Variants in CEP112 observed in about 807,000 individuals in gnomAD.
The protein encoded by CEP112 is centrosomal protein of 112 kDa.
In CEP112, 127 loss-of-function variants were observed where a neutral mutation model predicts 153.0. The observed-to-expected ratio is 0.83, with a 90% confidence interval of 0.72 to 0.96. The LOEUF (loss-of-function observed/expected upper bound fraction) is 0.96. Ranked by LOEUF, CEP112 falls within the 40% of genes least tolerant of loss-of-function variation. The pLI is 0.00. For missense variants in CEP112, 1,089 were observed against 1,101.2 expected (o/e 0.99, Z 0.16); for synonymous variants, 358 against 374.4 (o/e 0.96, Z 0.51).
intron 12 of CEP112, among the ~76,000 whole-genome samples, chr17:66,049,478 A>C (rs894211260): frequency 2.6e-5 from 4 of 152,210 alleles, no homozygotes; most frequent in African/African-American, 9.6e-5. Flanking sequence ...GGCCAGCTGC[A>C]GTGGTGCACA....
intron 6 of CEP112, among the ~76,000 whole-genome samples, chr17:66,101,414 A>G (rs1008201059): frequency 2.0e-5 from 3 of 152,076 alleles, no homozygotes; most frequent in African/African-American, 7.2e-5. Context: ...GAGCATGAAC[A>G]TTTTATCTTA....
intron 20 of CEP112, among the ~76,000 whole-genome samples, chr17:65,885,464 T>C (rs1568169688): frequency 6.6e-6 from 1 of 152,226 alleles, no homozygotes. Context: ...CAAGTCATTG[T>C]TTTAAAGTTA....
intron 17 of CEP112, among the ~76,000 whole-genome samples, chr17:65,983,597 T>C (rs572457853): frequency 6.6e-6 from 1 of 152,218 alleles, no homozygotes; most frequent in East Asian, 1.9e-4. Flanking sequence ...TGGCAACCCT[T>C]CCTCTCCCTC....
At chr17:65,969,069 T>A (rs1442838153) in intron 17 of CEP112, among the ~76,000 whole-genome samples, 1 of 130,878 alleles carries the variant, frequency 7.6e-6, no homozygotes, top group Admixed American at 9.2e-5. Context: ...TTTTTGTTTT[T>A]TTGTGTGTGT....
chr17:65,653,530 G>A (rs1196633691), intron 24 of CEP112, among the ~76,000 whole-genome samples: 2 of 152,140 alleles, frequency 1.3e-5, no homozygotes. Context: ...GTGGACAAGG[G>A]CAGGCACTGC....
intron 16 of CEP112, among the ~76,000 whole-genome samples, chr17:66,022,227 C>A (rs988558883): frequency 6.6e-6 from 1 of 152,072 alleles, no homozygotes; most frequent in African/African-American, 2.4e-5. Context: ...CAACATACTT[C>A]ATAGTTATAT....
intron 21 of CEP112, 195 bp from the exon 22 acceptor site, chr17:65,750,919 C>A: frequency 1.9e-6 from 1 of 520,300 alleles, no homozygotes; most frequent in Non-Finnish European, 3.4e-6. Flanking sequence ...AAAAAGATCT[C>A]TTCTGCCAAT....
At chr17:65,801,995 C>T (rs369561344) in intron 21 of CEP112, among the ~76,000 whole-genome samples, 16 of 152,262 alleles carry the variant, frequency 1.1e-4, no homozygotes, top group South Asian at 4.1e-4. Flanking sequence ...TCTCTTCCTT[C>T]CCCCAGGGTT....
intron 21 of CEP112, among the ~76,000 whole-genome samples, chr17:65,831,334 G>C (rs1049527564): frequency 6.6e-6 from 1 of 152,152 alleles, no homozygotes; most frequent in African/African-American, 2.4e-5. Context: ...GAGGCGGGTG[G>C]ATCACGAGGT....
chr17:65,952,988 G>C (rs1041648775), intron 18 of CEP112, among the ~76,000 whole-genome samples: 2 of 151,654 alleles, frequency 1.3e-5, no homozygotes, highest in African/African-American at 2.4e-5. Context: ...TGAGTTCTAA[G>C]ATTTCTTTTA....
chr17:65,842,347 C>T (rs529390737), intron 21 of CEP112, among the ~76,000 whole-genome samples: 1 of 152,096 alleles, frequency 6.6e-6, no homozygotes, highest in Non-Finnish European at 1.5e-5. Flanking sequence ...ACATAGTTTT[C>T]TAGCTTCAGA....
intron 18 of CEP112, among the ~76,000 whole-genome samples, chr17:65,954,569 G>A (rs897054902): frequency 6.6e-6 from 1 of 152,018 alleles, no homozygotes; most frequent in Non-Finnish European, 1.5e-5. Context: ...AATCAAGGAG[G>A]CATCAGAGAA....
intron 20 of CEP112, among the ~76,000 whole-genome samples, chr17:65,855,726 T>A (rs1424950978): frequency 6.6e-6 from 1 of 152,196 alleles, no homozygotes; most frequent in East Asian, 1.9e-4. Context: ...TAACATATAT[T>A]ATCTGAAGCA....
chr17:66,070,096 G>A (rs1055784423), intron 8 of CEP112, 95 bp from the exon 9 acceptor site: 3 of 678,778 alleles, frequency 4.4e-6, no homozygotes, highest in African/African-American at 3.6e-5. Flanking sequence ...AAAAAAGACA[G>A]TTATCATTTT....
At chr17:65,737,311 T>G (rs1645645084) in intron 23 of CEP112, among the ~76,000 whole-genome samples, 1 of 152,182 alleles carries the variant, frequency 6.6e-6, no homozygotes, top group Non-Finnish European at 1.5e-5. Flanking sequence ...GCACAGGGGC[T>G]CAACTTCAAA....
chr17:66,103,456 T>C (rs1323215588), intron 6 of CEP112, among the ~76,000 whole-genome samples: 3 of 152,158 alleles, frequency 2.0e-5, no homozygotes, highest in East Asian at 1.9e-4. Context: ...CCTACTTACA[T>C]AGAACTCTAT....
At chr17:65,750,041 T>C (rs1428086477) in intron 22 of CEP112, among the ~76,000 whole-genome samples, 1 of 152,180 alleles carries the variant, frequency 6.6e-6, no homozygotes, top group Non-Finnish European at 1.5e-5. Context: ...GATATCACTA[T>C]AATAACTTAT....
At chr17:66,147,748 C>T (rs1173166120) in intron 4 of CEP112, among the ~76,000 whole-genome samples, 2 of 152,130 alleles carry the variant, frequency 1.3e-5, no homozygotes, top group East Asian at 3.8e-4. Flanking sequence ...TTTCCCAACA[C>T]CATTTGTGGA....
chr17:65,771,091 C>T (rs772823330), intron 21 of CEP112, among the ~76,000 whole-genome samples: 1 of 151,868 alleles, frequency 6.6e-6, no homozygotes, highest in African/African-American at 2.4e-5. Context: ...AAGCTTATCA[C>T]TGTGTTTTTA....
Sources: allele counts gnomAD v4.1 joint callset (sites outside exome capture counted in the v4.1 genomes callset), GRCh38; gene constraint gnomAD v4.1.1; transcripts MANE v1.5; gene names NCBI Gene and HGNC (gene_info 2026-07-23, HGNC 2026-07-21).